UTRN: variants seen among roughly 807,000 people sequenced by gnomAD.
The protein encoded by UTRN is utrophin.
Under a neutral mutation model 463.9 loss-of-function variants are expected in UTRN, and 283 were observed. The observed-to-expected ratio is 0.61, with a 90% CI of 0.55 to 0.67. UTRN has a LOEUF of 0.67. Ranked by LOEUF, UTRN falls within the 30% of genes least tolerant of loss-of-function variation. The probability of loss-of-function intolerance (pLI) is 0.00; values close to 1 mark genes in which losing one functional copy is unlikely to be tolerated. For synonymous variants in UTRN, 1,442 were observed against 1,431.5 expected, an observed-to-expected ratio of 1.01 and a Z score of -0.17; for missense variants, 3,922 against 4,084.3, an observed-to-expected ratio of 0.96 and a Z score of 1.08.
chr6:144,423,394 G>A lies in UTRN; in HGVS notation c.235-155G>A, dbSNP rs372368524. Among the ~76,000 whole-genome samples, 8 of 152,346 alleles carry A rather than the reference G, an allele frequency of 5.3e-5. No homozygotes were observed. The East Asian group carries it at 1.5e-3, about 29-fold the overall frequency. ...AGGGATTTTCATACTGTGAACACCA[G>A]CTTCCAGGGTGGTAACCTGAGACCT... On this transcript the variant is annotated intron_variant, in intron 4 of 74. Transcript: ENST00000367545.
Position 144,531,142 on chromosome 6 carries a change from G to C in UTRN, c.5997G>C (p.Leu1999=). The change falls in exon 42 of 75, where the codon CTG becomes CTC. Residue 1999 remains leucine, a synonymous_variant. Coordinates refer to ENST00000367545, the MANE Select transcript of UTRN (RefSeq NM_007124.3). ...TQWITEAEEL[L]VDTCAPGGSL... ...GGATAACAGAGGCTGAAGAATTACT[G>C]GTTGATACCTGTGCTCCAGGTGGCA... 1 of 1,613,994 alleles carries C rather than the reference G, an allele frequency of 6.2e-7. No homozygotes were observed. Among genetic ancestry groups the C allele is most frequent in the Non-Finnish European group, 8.5e-7 (1 of 1,179,964 alleles).
chr6:144,763,608 G>T (rs1792952796), intron 58 of UTRN, among the ~76,000 whole-genome samples: 1 of 152,124 alleles, frequency 6.6e-6, no homozygotes, highest in African/African-American at 2.4e-5. Context: ...AGAATTGTGC[G>T]CCAGCTTAGG....
At chr6:144,354,211 A>T (rs368289073) in intron 2 of UTRN, among the ~76,000 whole-genome samples, 2 of 152,256 alleles carry the variant, frequency 1.3e-5, no homozygotes. Flanking sequence ...ATAAACTGAC[A>T]CCCTGACAAT....
chr6:144,700,425 C>T (rs1012118229), intron 53 of UTRN, among the ~76,000 whole-genome samples, 182 bp downstream of exon 53: 10 of 151,418 alleles, frequency 6.6e-5, no homozygotes, highest in African/African-American at 2.4e-4. Flanking sequence ...TTTGTATTAT[C>T]TTCACATTTA....
At chr6:144,748,223 C>G (rs771091591) in intron 54 of UTRN, 23 bp from the exon 55 acceptor site, 3 of 1,582,798 alleles carry the variant, frequency 1.9e-6, no homozygotes, top group East Asian at 4.5e-5. Context: ...CCAAATTATT[C>G]TTTTTCTTTT....
chr6:144,408,750 A>G (rs1474602093), intron 3 of UTRN, among the ~76,000 whole-genome samples: 1 of 152,198 alleles, frequency 6.6e-6, no homozygotes, highest in African/African-American at 2.4e-5. Flanking sequence ...TTGTTTTCCT[A>G]CTTTTTTCAT....
At chr6:144,362,709 T>C (rs1779183699) in intron 2 of UTRN, among the ~76,000 whole-genome samples, 1 of 152,360 alleles carries the variant, frequency 6.6e-6, no homozygotes, top group South Asian at 2.1e-4. Flanking sequence ...TGAATAGTTT[T>C]AGAAATACGG....
chr6:144,379,953 A>G (rs1780766707), intron 2 of UTRN, among the ~76,000 whole-genome samples: 1 of 152,212 alleles, frequency 6.6e-6, no homozygotes, highest in Admixed American at 6.5e-5. Flanking sequence ...TGGGAAGATG[A>G]GAAGAATTTT....
chr6:144,402,525 T>C (rs904876528), intron 2 of UTRN, among the ~76,000 whole-genome samples: 6 of 152,134 alleles, frequency 3.9e-5, no homozygotes, highest in African/African-American at 1.4e-4. Context: ...CCAAAACGGA[T>C]AATGGTTTTA....
At chr6:144,749,864 A>G (rs1320833651) in intron 55 of UTRN, among the ~76,000 whole-genome samples, 1 of 152,172 alleles carries the variant, frequency 6.6e-6, no homozygotes, top group Non-Finnish European at 1.5e-5. Context: ...CTATTTGTTT[A>G]AAGTTTACTA....
chr6:144,478,798 C>T (rs1231068520), intron 25 of UTRN, among the ~76,000 whole-genome samples: 1 of 152,172 alleles, frequency 6.6e-6, no homozygotes, highest in East Asian at 1.9e-4. Context: ...ACTGTGACTG[C>T]AGAACGGCGC....
chr6:144,822,866 G>A lies in UTRN; in HGVS notation c.9494+1848G>A, dbSNP rs189720955. On this transcript the variant is annotated intron_variant, in intron 66 of 74. Coordinates refer to ENST00000367545, the MANE Select transcript of UTRN (RefSeq NM_007124.3). ...CTTTAATTTACGGGATAATTTGATA[G>A]GTTTGAACTAAGCGATGTGCCTTTT... Among the ~76,000 whole-genome samples the A allele has an allele frequency of 9.9e-5, 15 of 152,176 alleles. No individual in the cohort carries two copies. The East Asian group carries it at 2.7e-3, about 27-fold the overall frequency.
At chr6:144,685,350 G>C (rs762553581) in intron 52 of UTRN, among the ~76,000 whole-genome samples, 1 of 152,168 alleles carries the variant, frequency 6.6e-6, no homozygotes, top group Non-Finnish European at 1.5e-5. Flanking sequence ...ACGAGTGCCA[G>C]TGTCTTTTTG....
chr6:144,619,960 A>G (rs1054186936), intron 51 of UTRN, among the ~76,000 whole-genome samples: 6 of 152,220 alleles, frequency 3.9e-5, no homozygotes, highest in Non-Finnish European at 8.8e-5. Flanking sequence ...GGAGTACCAC[A>G]TCACATGTAA....
rs745608919 is a variant in UTRN, at chr6:144,523,109, G to C, written c.5827G>C (p.Ala1943Pro). 1 of 1,613,594 alleles carries C rather than the reference G, an allele frequency of 6.2e-7. No homozygotes were observed. Among genetic ancestry groups the C allele is most frequent in the South Asian group, 1.1e-5 (1 of 91,010 alleles). Residue 1943 changes from alanine (A) to proline (P), a missense_variant, in exon 41 of 75, where the codon GCC becomes CCC. By Grantham distance (27) the Ala-to-Pro change is conservative. Transcript: ENST00000367545. Reference protein sequence around the residue: ...DVILEASGPEAIQIRDTLTQL... With the variant: ...DVILEASGPEPIQIRDTLTQL... ...CATCCTTGAAGCCTCTGGACCTGAA[G>C]CCATTCAGATCAGAGATACACTTAC...
rs1164324652 is a variant in UTRN, at chr6:144,286,403, C to T, written c.-93+582C>T. Among the ~76,000 whole-genome samples, 2 of 152,088 alleles carry T rather than the reference C, an allele frequency of 1.3e-5. No homozygotes were observed. The highest frequency in any genetic ancestry group is 2.9e-5 in the Non-Finnish European group (2 of 68,008). ...GCTTGACCTCTGGGTGGTTGCTGCT[C>T]CCAAGGGTGGGGCTCCGGAGAGTGT... On this transcript the variant is annotated intron_variant, in intron 1 of 74. Coordinates refer to ENST00000367545, the MANE Select transcript of UTRN (RefSeq NM_007124.3). The surrounding 1 kb of genome is among the most constrained non-coding windows in gnomAD (Gnocchi z 4.4).
intron 48 of UTRN, 74 bp downstream of exon 48, chr6:144,551,156 CA>C: frequency 1.2e-6 from 1 of 831,018 alleles, no homozygotes. Context: ...CACACACACA[CA>C]CACACACACA....
At chr6:144,639,990 A>T (rs1036016680) in intron 51 of UTRN, among the ~76,000 whole-genome samples, 10 of 152,146 alleles carry the variant, frequency 6.6e-5, no homozygotes, top group Non-Finnish European at 1.5e-4. Flanking sequence ...GCCAGAGATG[A>T]TGCAGACAAC....
intron 53 of UTRN, among the ~76,000 whole-genome samples, chr6:144,711,170 T>A (rs906124691): frequency 6.6e-6 from 1 of 151,912 alleles, no homozygotes; most frequent in Non-Finnish European, 1.5e-5. Context: ...ATATAAAAAT[T>A]AGGTGTGGTG....
Sources: gnomAD v4.1 joint callset for allele counts (sites outside exome capture counted in the v4.1 genomes callset) on GRCh38, gnomAD v4.1.1 for gene constraint, Gnocchi (gnomAD v3.1) non-coding constraint, MANE v1.5 for transcripts, NCBI Gene and HGNC (gene_info 2026-07-23, HGNC 2026-07-21) for gene names.